Variants in SEL1L3 observed in about 807,000 individuals in gnomAD.
The protein encoded by SEL1L3 is protein sel-1 homolog 3.
Under a neutral mutation model 142.8 loss-of-function variants are expected in SEL1L3, and 76 were observed. That is an observed-to-expected ratio of 0.53 (90% CI 0.44 to 0.64). The LOEUF is 0.64. Ranked by LOEUF, SEL1L3 falls within the 30% of genes least tolerant of loss-of-function variation. The pLI, the probability that SEL1L3 is intolerant of heterozygous loss-of-function variation, is 0.00. For missense variants in SEL1L3, 1,262 were observed against 1,381.7 expected (o/e 0.91, Z 1.37); for synonymous variants, 504 against 519.6 (o/e 0.97, Z 0.41).
At chr4:25,810,816 T>C (rs939142460) in intron 9 of SEL1L3, among the ~76,000 whole-genome samples, 1 of 152,314 alleles carries the variant, frequency 6.6e-6, no homozygotes, top group East Asian at 1.9e-4. Flanking sequence ...GGCCCTGGAA[T>C]GCCCGAGGCA....
In SEL1L3 at chr4:25,831,510, A is replaced by AATT. The variant is rs71591516; in HGVS notation, c.1099-1357_1099-1355dup. 6.0e-3 allele frequency among the ~76,000 whole-genome samples: 731 copies of AATT among 122,580 alleles called. 11 individuals carry two copies. Among genetic ancestry groups the AATT allele is most frequent in the South Asian group, 0.025 (98 of 3,922 alleles). The allele number at this position is 122,580 out of a possible 152,430, so 80.4% of individuals were successfully genotyped here. On this transcript the variant is annotated intron_variant, in intron 5 of 23. Coordinates refer to ENST00000399878, the MANE Select transcript of SEL1L3 (RefSeq NM_015187.5). Reference sequence around the variant, plus strand: ...ATTTTTAAATAATAATAATAATAATAATTATTATTATTATTATTATTATTA... The same window carrying AATT: ...ATTTTTAAATAATAATAATAATAATAATTATTATTATTATTATTATTATTATTA...
At chr4:25,833,411 T>C in intron 4 of SEL1L3, 37 bp downstream of exon 4, 1 of 1,588,538 alleles carries the variant, frequency 6.3e-7, no homozygotes, top group Non-Finnish European at 8.6e-7. Flanking sequence ...CATTACAAAA[T>C]TACAATATCA....
At chr4:25,739,541 C>T in the SEL1L3 span, among the ~76,000 whole-genome samples, 1 of 151,986 alleles carries the variant, frequency 6.6e-6, no homozygotes. Flanking sequence ...CCCATCGCTA[C>T]TAAAAATACA....
intron 6 of SEL1L3, 76 bp from the exon 7 acceptor site, chr4:25,822,204 C>A (rs1444053485): frequency 1.3e-6 from 2 of 1,573,066 alleles, no homozygotes; most frequent in African/African-American, 2.7e-5. Flanking sequence ...TTTCCTAGAC[C>A]CTCCTTGACT....
At chr4:25,716,637 A>T in the SEL1L3 span, among the ~76,000 whole-genome samples, 1 of 152,212 alleles carries the variant, frequency 6.6e-6, no homozygotes, top group African/African-American at 2.4e-5. Flanking sequence ...ATTATATAGC[A>T]ATATTCCTAT....
intron 9 of SEL1L3, among the ~76,000 whole-genome samples, chr4:25,817,790 T>C (rs963368914): frequency 6.6e-6 from 1 of 152,172 alleles, no homozygotes; most frequent in Admixed American, 6.5e-5. Flanking sequence ...TCATACAAGC[T>C]TTTTAGATAA....
At chr4:25,753,509 C>T (rs1033883812) in intron 23 of SEL1L3, among the ~76,000 whole-genome samples, 1 of 152,226 alleles carries the variant, frequency 6.6e-6, no homozygotes, top group African/African-American at 2.4e-5. Context: ...CTTCCCCCAG[C>T]TGTGGGGCAG....
chr4:25,788,190 T>G lies in SEL1L3; in HGVS notation c.2217+34A>C, dbSNP rs763386582. The G allele has an allele frequency of 4.4e-6, 7 of 1,608,518 alleles. No individual in the cohort carries two copies. In the South Asian group the frequency reaches 5.5e-5, roughly 13 times the overall value. ...AACTGCTCAGGAGTCTGATAAGAATTGCACAATTTCAGCACGAATTAAGTG... is the reference window on the plus strand; with the variant it reads ...AACTGCTCAGGAGTCTGATAAGAATGGCACAATTTCAGCACGAATTAAGTG... On this transcript the variant is annotated intron_variant, in intron 13 of 23. Transcript: ENST00000399878. This position sits in a 1 kb window ranked among gnomAD's most constrained non-coding sequence, Gnocchi z 5.3.
chr4:25,838,666 C>T (rs565654756), intron 2 of SEL1L3, among the ~76,000 whole-genome samples: 6 of 152,298 alleles, frequency 3.9e-5, no homozygotes, highest in African/African-American at 9.6e-5. Flanking sequence ...CCACCCTGGC[C>T]CCTCCTTCAA....
intron 2 of SEL1L3, among the ~76,000 whole-genome samples, chr4:25,841,830 C>T (rs931480272): frequency 1.4e-4 from 21 of 152,188 alleles, no homozygotes; most frequent in African/African-American, 5.1e-4. Flanking sequence ...TGTGGTGGCA[C>T]GTGTCTGTAA....
chr4:25,828,153 C>G (rs1292402653), intron 6 of SEL1L3, among the ~76,000 whole-genome samples: 12 of 152,210 alleles, frequency 7.9e-5, no homozygotes, highest in Non-Finnish European at 1.6e-4. Flanking sequence ...ATTAAGCCAC[C>G]CGCACCCTCT....
chr4:25,863,461 C>T (rs1320782527), upstream of SEL1L3: 1 of 688,026 alleles, frequency 1.5e-6, no homozygotes, highest in South Asian at 1.5e-5. Context: ...CAGACCAGTT[C>T]CCGCCCGTGC....
chr4:25,818,546 G>A (rs1714548328), intron 8 of SEL1L3, among the ~76,000 whole-genome samples: 1 of 152,138 alleles, frequency 6.6e-6, no homozygotes, highest in African/African-American at 2.4e-5. Context: ...GTCCCCAGGA[G>A]GCCAATATCT....
intron 13 of SEL1L3, among the ~76,000 whole-genome samples, chr4:25,786,426 C>T (rs11945609): frequency 0.048 from 7,307 of 152,202 alleles, 539 homozygotes; most frequent in African/African-American, 0.16. Flanking sequence ...AAAAGTCTTA[C>T]GGTGTGAGAA....
chr4:25,838,985 C>G (rs1244543548), intron 2 of SEL1L3, among the ~76,000 whole-genome samples: 1 of 152,206 alleles, frequency 6.6e-6, no homozygotes, highest in East Asian at 1.9e-4. Context: ...CTGAGATCAT[C>G]AGCCCACCTT....
chr4:25,786,822 T>A (rs943658928), intron 13 of SEL1L3, among the ~76,000 whole-genome samples: 7 of 152,188 alleles, frequency 4.6e-5, no homozygotes, highest in African/African-American at 1.7e-4. Flanking sequence ...AAAGAGAAGG[T>A]CTGGGACCTC....
chr4:25,832,124 C>T (rs1348809686), intron 5 of SEL1L3, among the ~76,000 whole-genome samples: 2 of 152,150 alleles, frequency 1.3e-5, no homozygotes, highest in Non-Finnish European at 2.9e-5. Context: ...ACTAAGAATC[C>T]CAGCTAACAT....
At position 25,804,661 on chromosome 4, in the gene SEL1L3, G is replaced by T; in HGVS notation, c.1656C>A (p.His552Gln). ...VKRLSSIDGLHQISSIVPFLT... is the reference protein window; with the variant it reads ...VKRLSSIDGLQQISSIVPFLT... ...GAAAGGGGACGATAGAGCTAATTTG[G>T]TGAAGACCATCAATGCTAGAGAGTC... The change falls in exon 10 of 24, where the codon CAC becomes CAA. Residue 552 changes from histidine (H) to glutamine (Q), a missense_variant. Physicochemically the swap from His to Gln is conservative, Grantham distance 24 (BLOSUM62 0). Coordinates refer to ENST00000399878, the MANE Select transcript of SEL1L3 (RefSeq NM_015187.5). 2 of 1,613,504 alleles carry T rather than the reference G, an allele frequency of 1.2e-6. No homozygotes were observed. Among genetic ancestry groups the T allele is most frequent in the Non-Finnish European group, 1.7e-6 (2 of 1,179,436 alleles).
chr4:25,740,692 C>G, the SEL1L3 span, among the ~76,000 whole-genome samples: 1 of 152,162 alleles, frequency 6.6e-6, no homozygotes. Context: ...TACTTTACTG[C>G]CACATTGTTC....
Sources: allele counts gnomAD v4.1 joint callset (sites outside exome capture counted in the v4.1 genomes callset), GRCh38; gene constraint gnomAD v4.1.1; non-coding constraint Gnocchi (gnomAD v3.1); transcripts MANE v1.5; gene names NCBI Gene and HGNC (gene_info 2026-07-23, HGNC 2026-07-21).